AR: variants seen among roughly 807,000 people sequenced by gnomAD.
AR encodes the protein dihydrotestosterone receptor.
Under a neutral mutation model 53.9 loss-of-function variants are expected in AR, and 8 were observed. That is an observed-to-expected ratio of 0.15 (90% confidence interval 0.09 to 0.27). The LOEUF (loss-of-function observed/expected upper bound fraction) is 0.27, where lower values mean the gene tolerates loss of function less well. Among genes scored for constraint, AR ranks in the 10% least tolerant of loss-of-function variants. The probability of loss-of-function intolerance (pLI) is 1.00; values close to 1 mark genes in which losing one functional copy is unlikely to be tolerated. For synonymous variants in AR, 359 were observed against 316.4 expected (o/e 1.13, Z -1.43); for missense variants, 639 against 742.5 (o/e 0.86, Z 1.62).
At chrX:67,634,476 A>G (rs1330631155) in intron 1 of AR, among the ~76,000 whole-genome samples, 3 of 112,002 alleles carry the variant, frequency 2.7e-5, no homozygotes, top group Non-Finnish European at 5.6e-5. Context: ...TTGAAGTCAA[A>G]TGAGTTGTTC....
At chrX:67,603,543 C>A (rs925935215) in intron 1 of AR, among the ~76,000 whole-genome samples, 1 of 111,553 alleles carries the variant, frequency 9.0e-6, no homozygotes, top group Admixed American at 9.6e-5. Context: ...GCATAGATAA[C>A]CTTGAACATC....
At chrX:67,666,190 C>T (rs1009651368) in intron 2 of AR, among the ~76,000 whole-genome samples, 12 of 110,956 alleles carry the variant, frequency 1.1e-4, no homozygotes, top group African/African-American at 3.6e-4. Flanking sequence ...TACCCAGTAG[C>T]CATCCCACTT....
At chrX:67,683,781 G>A (rs184386779) in intron 2 of AR, among the ~76,000 whole-genome samples, 3 of 111,282 alleles carry the variant, frequency 2.7e-5, no homozygotes, top group African/African-American at 9.8e-5. Flanking sequence ...AAATTGTAAA[G>A]AATATCTACG....
chrX:67,694,802 G>T, intron 3 of AR: 1 of 1,120,837 alleles, frequency 8.9e-7, no homozygotes, highest in African/African-American at 1.8e-5. Flanking sequence ...GGCGTCTGAG[G>T]CTTAGGAGCT....
In AR at chrX:67,546,506, G is replaced by A. The variant is rs2147321608; in HGVS notation, c.1360G>A (p.Gly454Arg). Residue 454 changes from glycine (G) to arginine (R), a missense_variant, in exon 1 of 8, where the codon GGG becomes AGG. By Grantham distance (125) the Gly-to-Arg change is moderately radical (BLOSUM62 -2). Transcript: ENST00000374690. ...GQLYGPCGGG[G>R]GGGGGGGGGG... ...GTTGTATGGACCGTGTGGTGGTGGT[G>A]GGGGTGGTGGCGGCGGCGGCGGCGG... 1 of 1,000,208 alleles carries A rather than the reference G, an allele frequency of 1.0e-6. No homozygotes were observed. Among genetic ancestry groups the A allele is most frequent in the Non-Finnish European group, 1.3e-6 (1 of 787,068 alleles). The allele number at this position is 1,000,208 out of a possible 1,213,427, so 82.4% of individuals were successfully genotyped here.
At chrX:67,569,125 A>G (rs1238721415) in intron 1 of AR, 2 of 804,409 alleles carry the variant, frequency 2.5e-6, no homozygotes, top group East Asian at 5.7e-5. Flanking sequence ...GACATTATCT[A>G]TTAGGCATCT....
At chrX:67,695,089 C>G (rs2076013795) in intron 3 of AR, 6 of 777,058 alleles carry the variant, frequency 7.7e-6, no homozygotes, top group South Asian at 6.6e-5. Flanking sequence ...CAGTGAAGCT[C>G]TGGCTCAGTC....
intron 1 of AR, among the ~76,000 whole-genome samples, chrX:67,587,616 G>A (rs1922612943): frequency 9.0e-6 from 1 of 111,554 alleles, no homozygotes; most frequent in African/African-American, 3.3e-5. Flanking sequence ...TAGCATGTTA[G>A]GAAATTCTGT....
At chrX:67,705,235 G>A (rs2076061043) in intron 3 of AR, among the ~76,000 whole-genome samples, 1 of 111,277 alleles carries the variant, frequency 9.0e-6, no homozygotes, top group Non-Finnish European at 1.9e-5. Flanking sequence ...ATTACCTTGG[G>A]CAGTATGGCC....
At chrX:67,642,430 G>A (rs745706601) in intron 1 of AR, among the ~76,000 whole-genome samples, 7 of 111,764 alleles carry the variant, frequency 6.3e-5, no homozygotes, top group South Asian at 3.8e-4. Context: ...GAGCTTGGGC[G>A]CAGAAGTTCT....
At chrX:67,666,426 G>T (rs2147470769) in intron 2 of AR, among the ~76,000 whole-genome samples, 1 of 111,771 alleles carries the variant, frequency 8.9e-6, no homozygotes, top group East Asian at 2.8e-4. Flanking sequence ...GTACTTTATT[G>T]TATGTATGTA....
At chrX:67,623,027 T>C (rs1182599728) in intron 1 of AR, among the ~76,000 whole-genome samples, 1 of 111,386 alleles carries the variant, frequency 9.0e-6, no homozygotes, top group African/African-American at 3.3e-5. Context: ...AATAAATGAA[T>C]GAAAAGTAGG....
At chrX:67,606,635 C>T (rs963918765) in intron 1 of AR, among the ~76,000 whole-genome samples, 2 of 112,317 alleles carry the variant, frequency 1.8e-5, no homozygotes, top group Non-Finnish European at 3.8e-5. Flanking sequence ...TGCTATTCAC[C>T]AAGTACTTCT....
chrX:67,588,313 G>A (rs1229679311), intron 1 of AR, among the ~76,000 whole-genome samples: 1 of 111,915 alleles, frequency 8.9e-6, no homozygotes, highest in African/African-American at 3.3e-5. Context: ...ATTAAAAGGA[G>A]GTGCTTCAAA....
At position 67,599,822 on chromosome X, in the gene AR, T is replaced by A. The variant is rs192919206; in HGVS notation, c.1617-43434T>A. On this transcript the variant is annotated intron_variant, in intron 1 of 7. Coordinates refer to ENST00000374690, the MANE Select transcript of AR (RefSeq NM_000044.6). ...TTTTATTTATTTTTAAATCCAAACTTACAATTTTACATGTCATTGCCAGAA... is the reference window on the plus strand; with the variant it reads ...TTTTATTTATTTTTAAATCCAAACTAACAATTTTACATGTCATTGCCAGAA... Among the ~76,000 whole-genome samples the A allele has an allele frequency of 3.6e-5, 4 of 112,471 alleles. No homozygotes were observed. In the East Asian group the frequency reaches 8.3e-4, roughly 23 times the overall value.
chrX:67,668,096 C>T (rs1044530060), intron 2 of AR, among the ~76,000 whole-genome samples: 1 of 111,864 alleles, frequency 8.9e-6, no homozygotes, highest in African/African-American at 3.2e-5. Flanking sequence ...ACTTCCAGTA[C>T]TCTGTTGAAT....
chrX:67,705,487 A>C (rs1031545574), intron 3 of AR, among the ~76,000 whole-genome samples: 1 of 111,673 alleles, frequency 9.0e-6, no homozygotes, highest in African/African-American at 3.3e-5. Context: ...ATTTTTGCAC[A>C]TTGATTTTGT....
intron 6 of AR, 30 bp downstream of exon 6, chrX:67,721,993 C>G (rs1311517167): frequency 8.3e-7 from 1 of 1,207,120 alleles, no homozygotes; most frequent in Non-Finnish European, 1.1e-6. Flanking sequence ...GGGAATGCCC[C>G]CTGAGGGCAC....
chrX:67,640,951 T>A (rs1925729843), intron 1 of AR, among the ~76,000 whole-genome samples: 1 of 111,420 alleles, frequency 9.0e-6, no homozygotes, highest in Admixed American at 9.7e-5. Context: ...AATTATTTAT[T>A]TCCAGTCCTT....
Sources: allele counts gnomAD v4.1 joint callset (sites outside exome capture counted in the v4.1 genomes callset), GRCh38; gene constraint gnomAD v4.1.1; transcripts MANE v1.5; gene names NCBI Gene and HGNC (gene_info 2026-07-23, HGNC 2026-07-21).